Variants in ANKS1B observed in about 807,000 individuals in gnomAD.
The protein encoded by ANKS1B is ankyrin repeat and sterile alpha motif domain-containing protein 1B.
A neutral mutation model predicts 148.3 loss-of-function variants in ANKS1B; 36 were observed. The observed-to-expected ratio is 0.24, with a 90% CI of 0.19 to 0.32. The LOEUF is 0.32. Among genes scored for constraint, ANKS1B ranks in the 10% least tolerant of loss-of-function variants. The probability of loss-of-function intolerance (pLI) is 1.00; values close to 1 mark genes in which losing one functional copy is unlikely to be tolerated. For synonymous variants in ANKS1B, 542 were observed against 560.8 expected (o/e 0.97, Z 0.47); for missense variants, 1,157 against 1,542.6 (o/e 0.75, Z 4.19).
At chr12:99,626,087 T>C (rs1034268792) in intron 9 of ANKS1B, among the ~76,000 whole-genome samples, 6 of 152,170 alleles carry the variant, frequency 3.9e-5, no homozygotes, top group African/African-American at 1.4e-4. Context: ...ATTGACTATA[T>C]GGTGATCTGT....
chr12:99,555,777 G>A, intron 9 of ANKS1B, among the ~76,000 whole-genome samples: 1 of 152,052 alleles, frequency 6.6e-6, no homozygotes, highest in East Asian at 1.9e-4. Context: ...TATTCCAGGG[G>A]TAACATCTAC....
At chr12:99,368,953 T>C (rs1374922083) in intron 12 of ANKS1B, among the ~76,000 whole-genome samples, 5 of 152,166 alleles carry the variant, frequency 3.3e-5, no homozygotes, top group African/African-American at 1.2e-4. Flanking sequence ...AATTTTGCAA[T>C]CCCAATGAAA....
At chr12:99,534,630 A>G (rs1336064169) in intron 9 of ANKS1B, among the ~76,000 whole-genome samples, 2 of 152,060 alleles carry the variant, frequency 1.3e-5, no homozygotes, top group Non-Finnish European at 2.9e-5. Flanking sequence ...AGAATTACAC[A>G]TTAGGAAAGT....
chr12:99,506,176 G>C (rs1362899240), intron 9 of ANKS1B, among the ~76,000 whole-genome samples: 1 of 152,022 alleles, frequency 6.6e-6, no homozygotes, highest in Non-Finnish European at 1.5e-5. Context: ...GAACCATCAT[G>C]AGTTGCAGAC....
In ANKS1B at chr12:99,019,740, AT is replaced by A. The variant is rs2099944672; in HGVS notation, c.2778+33416del. Among the ~76,000 whole-genome samples, 3 of 152,160 alleles carry A rather than the reference AT, an allele frequency of 2.0e-5. No individual in the cohort carries two copies. The South Asian group carries it at 6.2e-4, about 31-fold the overall frequency. On this transcript the variant is annotated intron_variant, in intron 17 of 26. Transcript: ENST00000683438. ...ATGCATTAATTTTATATGAATGACTATTTTTCTAACATAAAAACAATCTTTA... is the reference window on the plus strand; with the variant it reads ...ATGCATTAATTTTATATGAATGACTATTTTCTAACATAAAAACAATCTTTA...
intron 10 of ANKS1B, among the ~76,000 whole-genome samples, chr12:99,491,621 C>G (rs1404101687): frequency 6.6e-6 from 1 of 152,058 alleles, no homozygotes; most frequent in African/African-American, 2.4e-5. Flanking sequence ...TAAGTGAGAA[C>G]TTCTCACTTA....
In ANKS1B at chr12:99,579,859, A is replaced by G. The variant is rs1291462752; in HGVS notation, c.1272+75208T>C. ...CAATCCTATTACTGGATATATACTG[A>G]AAGGAAAATAAATCGTTCCACCAAA... On this transcript the variant is annotated intron_variant, in intron 9 of 26. Coordinates refer to ENST00000683438, the MANE Select transcript of ANKS1B (RefSeq NM_001352186.2). Among the ~76,000 whole-genome samples, 3 of 152,170 alleles carry G rather than the reference A, an allele frequency of 2.0e-5. No homozygotes were observed. In the East Asian group the frequency reaches 5.8e-4, roughly 29 times the overall value.
At chr12:99,713,828 T>C (rs2056949458) in intron 8 of ANKS1B, among the ~76,000 whole-genome samples, 2 of 152,180 alleles carry the variant, frequency 1.3e-5, no homozygotes, top group Admixed American at 6.5e-5. Context: ...ATCATGCTCC[T>C]CAACATTCTT....
chr12:98,806,814 C>T (rs558674020), intron 20 of ANKS1B, among the ~76,000 whole-genome samples: 4 of 152,276 alleles, frequency 2.6e-5, no homozygotes, highest in African/African-American at 7.2e-5. Context: ...TGGCTACTTA[C>T]GAACACATAA....
intron 8 of ANKS1B, among the ~76,000 whole-genome samples, chr12:99,735,337 T>C (rs926554392): frequency 5.9e-5 from 9 of 151,794 alleles, no homozygotes; most frequent in African/African-American, 2.2e-4. Context: ...AAGTTGGCTT[T>C]TCAAAAAGAT....
intron 12 of ANKS1B, among the ~76,000 whole-genome samples, chr12:99,277,459 G>A (rs1284103027): frequency 6.6e-6 from 1 of 152,104 alleles, no homozygotes; most frequent in African/African-American, 2.4e-5. Context: ...AAGGGTCTGT[G>A]AAAATTAAAA....
At chr12:99,012,655 CTT>C (rs373847532) in intron 17 of ANKS1B, among the ~76,000 whole-genome samples, 168 of 152,248 alleles carry the variant, frequency 1.1e-3, no homozygotes, top group African/African-American at 3.8e-3. Context: ...TTACTCTACT[CTT>C]TTCTCAAGTT....
intron 17 of ANKS1B, among the ~76,000 whole-genome samples, chr12:98,987,704 C>A (rs887623711): frequency 6.6e-5 from 10 of 151,990 alleles, no homozygotes; most frequent in Non-Finnish European, 1.3e-4. Flanking sequence ...AGAACTCAAA[C>A]AAAGACTATT....
Position 98,905,033 on chromosome 12 carries a change from A to G in ANKS1B, c.2779-72897T>C, listed in dbSNP as rs369237681. Among the ~76,000 whole-genome samples, 33 of 152,342 alleles carry G rather than the reference A, an allele frequency of 2.2e-4. No individual in the cohort carries two copies. In the East Asian group the frequency reaches 4.4e-3, roughly 20 times the overall value. On this transcript the variant is annotated intron_variant, in intron 17 of 26. Transcript: ENST00000683438. ...AATTAGCAGTTATAAGACGCAAGTT[A>G]TAAGGTGACAAAATACATTGACATG...
At chr12:99,912,751 T>A (rs557849021) in intron 1 of ANKS1B, among the ~76,000 whole-genome samples, 1 of 152,110 alleles carries the variant, frequency 6.6e-6, no homozygotes, top group African/African-American at 2.4e-5. Flanking sequence ...AATACATTAT[T>A]TATATATATA....
At position 99,775,627 on chromosome 12, in the gene ANKS1B, G is replaced by A. The variant is rs567134024; in HGVS notation, c.882C>T (p.Leu294=). The change falls in exon 7 of 27, where the codon CTC becomes CTT. Residue 294 remains leucine, a synonymous_variant. Coordinates refer to ENST00000683438, the MANE Select transcript of ANKS1B (RefSeq NM_001352186.2). ...TTGCATCTTCCTGTACAGGCTCTTCGAGGACTGTAGATCTTCCCACGCCTT... is the reference window on the plus strand; with the variant it reads ...TTGCATCTTCCTGTACAGGCTCTTCAAGGACTGTAGATCTTCCCACGCCTT... ...YLEGVGRSTV[L]EEPVQEDATQ... is the part of the protein sequence containing the mutation. The A allele has an allele frequency of 1.7e-5, 28 of 1,611,538 alleles. No individual in the cohort carries two copies. Among genetic ancestry groups the A allele is most frequent in the East Asian group, 1.6e-4 (7 of 44,836 alleles).
intron 1 of ANKS1B, among the ~76,000 whole-genome samples, chr12:99,882,707 G>A (rs1040674740): frequency 6.6e-6 from 1 of 152,186 alleles, no homozygotes; most frequent in Non-Finnish European, 1.5e-5. Context: ...CACTGCTTGG[G>A]TGATGGGTGC....
chr12:99,368,087 T>C (rs963670802), intron 12 of ANKS1B, among the ~76,000 whole-genome samples: 2 of 152,218 alleles, frequency 1.3e-5, no homozygotes, highest in African/African-American at 4.8e-5. Flanking sequence ...ATTCTGATTA[T>C]ATTTTTATGA....
rs557311056 is a variant in ANKS1B at position 98,814,169 on chromosome 12, C to T, written c.3067-6251G>A. Among the ~76,000 whole-genome samples, 11 of 152,300 alleles carry T rather than the reference C, an allele frequency of 7.2e-5. No homozygotes were observed. The South Asian group carries it at 1.4e-3, about 20-fold the overall frequency. ...TGCTTGGATTACAGGCATGAGCCAC[C>T]GCGCCTGGCCATAATTAAGCTTTAC... On this transcript the variant is annotated intron_variant, in intron 19 of 26. Transcript: ENST00000683438.
Sources: gnomAD v4.1 joint callset for allele counts (sites outside exome capture counted in the v4.1 genomes callset) on GRCh38, gnomAD v4.1.1 for gene constraint, MANE v1.5 for transcripts, NCBI Gene and HGNC (gene_info 2026-07-23, HGNC 2026-07-21) for gene names.